The following IGSF21 variants were observed in gnomAD, a reference collection of about 807,000 sequenced individuals.
The protein encoded by IGSF21 is immunoglobulin superfamily member 21.
In IGSF21, 28 loss-of-function variants were observed where a neutral mutation model predicts 46.8. The observed-to-expected ratio is 0.60, with a 90% CI of 0.44 to 0.82. The LOEUF is 0.82. Among genes scored for constraint, IGSF21 ranks in the 40% least tolerant of loss-of-function variants. The pLI is 0.00. For synonymous variants in IGSF21, 284 were observed against 273.6 expected, an observed-to-expected ratio of 1.04 and a Z score of -0.38; for missense variants, 624 against 665.5, an observed-to-expected ratio of 0.94 and a Z score of 0.69.
chr1:18,221,910 C>T (rs1212397437), intron 1 of IGSF21, among the ~76,000 whole-genome samples: 1 of 152,136 alleles, frequency 6.6e-6, no homozygotes, highest in African/African-American at 2.4e-5. Context: ...GGTTCAGGCT[C>T]AGTTAGCATC....
At chr1:18,364,308 C>A (rs566408571) in intron 5 of IGSF21, among the ~76,000 whole-genome samples, 19 of 152,052 alleles carry the variant, frequency 1.2e-4, no homozygotes, top group Admixed American at 9.2e-4. Flanking sequence ...GGAAAAAAAA[C>A]CAACGCAGGC....
intron 1 of IGSF21, among the ~76,000 whole-genome samples, chr1:18,198,552 A>G (rs2087033004): frequency 6.6e-6 from 1 of 152,260 alleles, no homozygotes; most frequent in Non-Finnish European, 1.5e-5. Context: ...TAAAAAATAC[A>G]GACGGTCTCC....
intron 2 of IGSF21, among the ~76,000 whole-genome samples, chr1:18,253,896 C>G (rs1367420724): frequency 6.6e-6 from 1 of 152,140 alleles, no homozygotes; most frequent in Admixed American, 6.5e-5. Flanking sequence ...AAAGGTGGAT[C>G]AAGTCAGGGG....
chr1:18,223,176 G>A (rs758150433), intron 1 of IGSF21, among the ~76,000 whole-genome samples: 4 of 152,206 alleles, frequency 2.6e-5, no homozygotes, highest in East Asian at 3.8e-4. Context: ...CATCTCTCAC[G>A]TGAGCCTGGC....
intron 1 of IGSF21, among the ~76,000 whole-genome samples, chr1:18,155,689 A>C (rs2086562228): frequency 1.3e-5 from 2 of 152,220 alleles, no homozygotes; most frequent in South Asian, 4.1e-4. Flanking sequence ...ATCAAGAAAG[A>C]CAGCCAGGCT....
rs1458834917 is a variant in IGSF21 at position 18,378,481 on chromosome 1, C to T, written c.*155C>T. 4.5e-6 allele frequency: 3 copies of T among 660,894 alleles called. No individual in the cohort carries two copies. The highest frequency in any genetic ancestry group is 5.5e-5 in the Admixed American group (2 of 36,276). 40.9% of individuals were successfully genotyped at this position (660,894 alleles called of 1,614,324 possible). The stretch of plus-strand genomic sequence containing the variant: ...ATTAAAACAAACAGAACAATTTTCC[C>T]CACCTCGGTTTGTGGCTCTGCATTC... On this transcript the variant is annotated 3_prime_UTR_variant, in exon 10 of 10. Coordinates refer to ENST00000251296, the MANE Select transcript of IGSF21 (RefSeq NM_032880.5).
At chr1:18,243,978 C>T (rs567304942) in intron 2 of IGSF21, among the ~76,000 whole-genome samples, 3 of 152,178 alleles carry the variant, frequency 2.0e-5, no homozygotes, top group Non-Finnish European at 4.4e-5. Flanking sequence ...TAGCACTGAC[C>T]TCGTGGAGGG....
intron 2 of IGSF21, among the ~76,000 whole-genome samples, chr1:18,249,917 T>C (rs2084821344): frequency 6.6e-6 from 1 of 152,174 alleles, no homozygotes; most frequent in African/African-American, 2.4e-5. Context: ...TGGCAGGATC[T>C]GACTCTGCTG....
intron 1 of IGSF21, among the ~76,000 whole-genome samples, chr1:18,126,996 C>T (rs978855956): frequency 6.6e-6 from 1 of 152,106 alleles, no homozygotes; most frequent in Non-Finnish European, 1.5e-5. Flanking sequence ...CATTTCTGAC[C>T]CTCCCCACGT....
intron 1 of IGSF21, among the ~76,000 whole-genome samples, chr1:18,183,333 T>A (rs561435338): frequency 6.6e-6 from 1 of 152,356 alleles, no homozygotes; most frequent in Admixed American, 6.5e-5. Context: ...GTAAACTGCA[T>A]GAGAACTGGA....
At chr1:18,325,412 G>A (rs1557644424) in intron 3 of IGSF21, among the ~76,000 whole-genome samples, 1 of 152,164 alleles carries the variant, frequency 6.6e-6, no homozygotes, top group South Asian at 2.1e-4. Context: ...GACTGAGGGG[G>A]AGGGAGAAGG....
At chr1:18,226,898 C>G (rs1441049763) in intron 1 of IGSF21, among the ~76,000 whole-genome samples, 1 of 152,180 alleles carries the variant, frequency 6.6e-6, no homozygotes, top group Non-Finnish European at 1.5e-5. Context: ...AGGTTCCCCT[C>G]GGAACTGCGG....
chr1:18,285,593 T>A (rs1201058541), intron 2 of IGSF21, among the ~76,000 whole-genome samples: 4 of 152,172 alleles, frequency 2.6e-5, no homozygotes, highest in Non-Finnish European at 5.9e-5. Context: ...CCTTTGGGAC[T>A]TAGAACCTAG....
intron 1 of IGSF21, among the ~76,000 whole-genome samples, chr1:18,145,746 A>G (rs9729211): frequency 0.11 from 16,500 of 152,104 alleles, 1,542 homozygotes; most frequent in African/African-American, 0.25. Flanking sequence ...GCAGGTTCAT[A>G]AGGAATGCGC....
chr1:18,186,279 A>G (rs2086902396), intron 1 of IGSF21, among the ~76,000 whole-genome samples: 1 of 152,170 alleles, frequency 6.6e-6, no homozygotes. Flanking sequence ...TGCCCCCAAC[A>G]GTGAGTTGCT....
intron 1 of IGSF21, among the ~76,000 whole-genome samples, chr1:18,124,878 G>T (rs1466867400): frequency 6.6e-6 from 1 of 152,228 alleles, no homozygotes; most frequent in African/African-American, 2.4e-5. Context: ...AGTGCGGCGT[G>T]TGGGTCTGAG....
chr1:18,269,999 G>A (rs1411913737), intron 2 of IGSF21, among the ~76,000 whole-genome samples: 2 of 152,064 alleles, frequency 1.3e-5, no homozygotes, highest in Non-Finnish European at 2.9e-5. Flanking sequence ...AACCTTCTAA[G>A]GACTCTGCAC....
At chr1:18,357,753 C>T (rs893119501) in intron 4 of IGSF21, among the ~76,000 whole-genome samples, 3 of 151,990 alleles carry the variant, frequency 2.0e-5, no homozygotes, top group Admixed American at 6.5e-5. Context: ...CCCTGACTGC[C>T]GGCACTCAGA....
intron 2 of IGSF21, among the ~76,000 whole-genome samples, chr1:18,251,180 T>C (rs190423491): frequency 1.6e-4 from 25 of 152,246 alleles, no homozygotes; most frequent in East Asian, 3.9e-4. Flanking sequence ...CTTTCTCACA[T>C]TGGGCTTTGT....
Sources: allele counts gnomAD v4.1 joint callset (sites outside exome capture counted in the v4.1 genomes callset), GRCh38; gene constraint gnomAD v4.1.1; transcripts MANE v1.5; gene names NCBI Gene and HGNC (gene_info 2026-07-23, HGNC 2026-07-21).